PDGFD: variants seen among roughly 807,000 people sequenced by gnomAD.
PDGFD encodes platelet derived growth factor D, also known as platelet-derived growth factor D.
In PDGFD, 30 loss-of-function variants were observed where a neutral mutation model predicts 44.7. The ratio of observed to expected loss-of-function variants is 0.67; its 90% CI spans 0.50 to 0.91. The LOEUF (loss-of-function observed/expected upper bound fraction) is 0.91. Among genes scored for constraint, PDGFD ranks in the 40% least tolerant of loss-of-function variants. The pLI, the probability that PDGFD is intolerant of heterozygous loss-of-function variation, is 0.00. For missense variants in PDGFD, 445 were observed against 457.8 expected, an observed-to-expected ratio of 0.97 and a Z score of 0.25; for synonymous variants, 173 against 168.4, an observed-to-expected ratio of 1.03 and a Z score of -0.21.
chr11:104,122,466 G>A (rs1331452102), intron 1 of PDGFD, among the ~76,000 whole-genome samples: 1 of 151,914 alleles, frequency 6.6e-6, no homozygotes. Context: ...ATCAGACACT[G>A]CCTCCTCACC....
chr11:104,007,480 GA>G (rs1163576628), intron 1 of PDGFD, among the ~76,000 whole-genome samples: 1 of 152,158 alleles, frequency 6.6e-6, no homozygotes, highest in African/African-American at 2.4e-5. Flanking sequence ...GATGCAAAAG[GA>G]AAATAGTTGT....
chr11:104,094,064 CT>C (rs1861248673), intron 1 of PDGFD, among the ~76,000 whole-genome samples: 1 of 151,886 alleles, frequency 6.6e-6, no homozygotes, highest in Non-Finnish European at 1.5e-5. Flanking sequence ...ACCAACTTCT[CT>C]TATCTTAAAC....
chr11:104,095,040 G>C (rs1209651467), intron 1 of PDGFD, among the ~76,000 whole-genome samples: 1 of 151,684 alleles, frequency 6.6e-6, no homozygotes, highest in Admixed American at 6.6e-5. Context: ...TTTTTTTCCT[G>C]GTAGGTGCCT....
intron 1 of PDGFD, among the ~76,000 whole-genome samples, chr11:104,110,386 CTG>C (rs1861535112): frequency 1.5e-5 from 2 of 133,910 alleles, no homozygotes; most frequent in African/African-American, 5.8e-5. Flanking sequence ...ATTCGAAAGA[CTG>C]TGAGTAGTAG....
chr11:103,961,147 C>T (rs1044026573), intron 3 of PDGFD, among the ~76,000 whole-genome samples: 6 of 152,130 alleles, frequency 3.9e-5, no homozygotes, highest in African/African-American at 1.4e-4. Context: ...CCACCAAGTA[C>T]CTACAACAGG....
intron 3 of PDGFD, among the ~76,000 whole-genome samples, chr11:103,994,749 T>C (rs2134362049): frequency 6.6e-6 from 1 of 152,266 alleles, no homozygotes; most frequent in East Asian, 1.9e-4. Context: ...GGCAATATGC[T>C]ACAAACAACT....
intron 1 of PDGFD, among the ~76,000 whole-genome samples, chr11:104,154,199 T>A (rs1298930845): frequency 6.6e-6 from 1 of 152,286 alleles, no homozygotes; most frequent in Admixed American, 6.5e-5. Context: ...CATCCCCCAT[T>A]ACATTCTAAA....
intron 1 of PDGFD, among the ~76,000 whole-genome samples, chr11:104,110,531 AACTT>A (rs1565337854): frequency 6.6e-6 from 1 of 151,680 alleles, no homozygotes; most frequent in African/African-American, 2.4e-5. Flanking sequence ...AAAAAAAAGA[AACTT>A]ACACAGGTCA....
chr11:104,141,582 A>ATGCCAC lies in PDGFD; in HGVS notation c.124+22216_124+22221dup, dbSNP rs553489057. On this transcript the variant is annotated intron_variant, in intron 1 of 6. Transcript: ENST00000393158. Reference sequence around the variant, plus strand: ...CCTGAGTATCTGAGACCACAGGCACATGCCACTGCACTGAACCAAAAAAAA... The same window carrying ATGCCAC: ...CCTGAGTATCTGAGACCACAGGCACATGCCACTGCCACTGCACTGAACCAAAAAAAA... Among the ~76,000 whole-genome samples, 269 of 152,236 alleles carry ATGCCAC rather than the reference A, an allele frequency of 1.8e-3. 3 individuals are homozygous for ATGCCAC. Among genetic ancestry groups the ATGCCAC allele is most frequent in the African/African-American group, 6.2e-3 (257 of 41,530 alleles).
In PDGFD at chr11:103,909,767, A is replaced by G; in HGVS notation, c.1040T>C (p.Met347Thr). 2 of 1,614,114 alleles carry G rather than the reference A, an allele frequency of 1.2e-6. No homozygotes were observed. Among genetic ancestry groups the G allele is most frequent in the Non-Finnish European group, 8.5e-7 (1 of 1,179,956 alleles). ...HIKRRGRAKTMALVDIQLDHH... is the reference protein window; with the variant it reads ...HIKRRGRAKTTALVDIQLDHH... ...ATCCAACTGGATGTCAACTAGAGCC[A>G]TGGTCTTAGCTCTACCCCTCCTCTT... The change falls in exon 7 of 7, where the codon ATG becomes ACG. Residue 347 changes from methionine to threonine, a missense_variant. Transcript: ENST00000393158.
chr11:104,093,506 A>AGAAC (rs1260210663), intron 1 of PDGFD, among the ~76,000 whole-genome samples: 1 of 152,160 alleles, frequency 6.6e-6, no homozygotes, highest in East Asian at 1.9e-4. Context: ...GCCTTCAAAC[A>AGAAC]GAACTTCTCT....
At chr11:104,140,930 G>C (rs1862075559) in intron 1 of PDGFD, among the ~76,000 whole-genome samples, 2 of 152,256 alleles carry the variant, frequency 1.3e-5, no homozygotes, top group South Asian at 4.1e-4. Flanking sequence ...GTCTTACCTT[G>C]GCTATGTTAA....
chr11:103,949,716 C>T (rs1858720379), intron 3 of PDGFD, among the ~76,000 whole-genome samples: 1 of 152,154 alleles, frequency 6.6e-6, no homozygotes, highest in African/African-American at 2.4e-5. Context: ...CGTAAACACA[C>T]AAATAAACAC....
At chr11:104,125,410 C>A (rs1363819568) in intron 1 of PDGFD, among the ~76,000 whole-genome samples, 1 of 152,040 alleles carries the variant, frequency 6.6e-6, no homozygotes, top group African/African-American at 2.4e-5. Flanking sequence ...GACTCATGCA[C>A]CTTTTTTCTG....
intron 4 of PDGFD, chr11:103,946,500 C>G (rs1858669821): frequency 6.6e-6 from 1 of 152,170 alleles, no homozygotes; most frequent in South Asian, 2.1e-4. Flanking sequence ...ATTAGACAAC[C>G]CTGAGCTATC....
At chr11:104,004,920 C>G (rs994387898) in intron 1 of PDGFD, among the ~76,000 whole-genome samples, 8 of 130,688 alleles carry the variant, frequency 6.1e-5, no homozygotes, top group South Asian at 2.5e-4. Flanking sequence ...ATTATGTCAC[C>G]CAGGCTGGAG....
chr11:103,949,160 A>T (rs1283298206), intron 3 of PDGFD, among the ~76,000 whole-genome samples: 2 of 151,766 alleles, frequency 1.3e-5, no homozygotes, highest in South Asian at 2.1e-4. Flanking sequence ...GCACCACCAC[A>T]CCCAGCTAAT....
intron 1 of PDGFD, among the ~76,000 whole-genome samples, chr11:104,099,675 T>TAATAATAAA (rs1223676211): frequency 7.2e-6 from 1 of 138,164 alleles, no homozygotes; most frequent in Non-Finnish European, 1.6e-5. Flanking sequence ...ATAATAATAA[T>TAATAATAAA]AAATCAAACC....
chr11:104,095,204 A>ATTTG (rs894741854), intron 1 of PDGFD, among the ~76,000 whole-genome samples: 1 of 151,746 alleles, frequency 6.6e-6, no homozygotes, highest in Non-Finnish European at 1.5e-5. Flanking sequence ...AAATATATTT[A>ATTTG]TTTGTTTGTT....
Sources: allele counts gnomAD v4.1 joint callset (sites outside exome capture counted in the v4.1 genomes callset), GRCh38; gene constraint gnomAD v4.1.1; transcripts MANE v1.5; gene names NCBI Gene and HGNC (gene_info 2026-07-23, HGNC 2026-07-21).